Variants in SCEL observed in about 807,000 individuals in gnomAD.
SCEL encodes the protein sciellin.
Under a neutral mutation model 117.6 loss-of-function variants are expected in SCEL, and 113 were observed. That is an observed-to-expected ratio of 0.96 (90% CI 0.83 to 1.12). SCEL has a LOEUF of 1.12. Among genes scored for constraint, SCEL ranks in the 50% most tolerant of loss-of-function variants. The pLI is 0.00. For missense variants in SCEL, 785 were observed against 810.8 expected (o/e 0.97, Z 0.39); for synonymous variants, 270 against 256.2 (o/e 1.05, Z -0.51).
At chr13:77,587,002 A>G (rs2086602838) in intron 9 of SCEL, among the ~76,000 whole-genome samples, 1 of 152,012 alleles carries the variant, frequency 6.6e-6, no homozygotes. Context: ...CATCATCATC[A>G]TCACCATCTT....
At chr13:77,597,235 A>G (rs764608810) in intron 12 of SCEL, 1 of 308,444 alleles carries the variant, frequency 3.2e-6, no homozygotes, top group Non-Finnish European at 5.9e-6. Flanking sequence ...AGGTAGGAGC[A>G]TTAACATGAG....
intron 5 of SCEL, among the ~76,000 whole-genome samples, chr13:77,566,318 A>G (rs1296433534): frequency 6.6e-6 from 1 of 152,186 alleles, no homozygotes; most frequent in Non-Finnish European, 1.5e-5. Flanking sequence ...TTATCTATAA[A>G]ATGAAAATCA....
intron 1 of SCEL, among the ~76,000 whole-genome samples, chr13:77,547,195 C>T (rs8001862): frequency 4.6e-5 from 7 of 151,826 alleles, no homozygotes; most frequent in Admixed American, 3.9e-4. Flanking sequence ...CCCAGCCCCC[C>T]AAAAATTTAA....
chr13:77,547,674 C>A (rs2084069795), intron 1 of SCEL, among the ~76,000 whole-genome samples: 1 of 152,208 alleles, frequency 6.6e-6, no homozygotes. Context: ...ATCTCTTCAT[C>A]ATTTTATATT....
intron 1 of SCEL, among the ~76,000 whole-genome samples, chr13:77,547,686 A>G (rs901980000): frequency 1.3e-5 from 2 of 152,224 alleles, no homozygotes; most frequent in East Asian, 1.9e-4. Context: ...TTTTATATTT[A>G]GGGATAGCTC....
Position 77,602,060 on chromosome 13 carries a change from T to A in SCEL, c.918-5T>A. The A allele has an allele frequency of 6.2e-7, 1 of 1,606,638 alleles. No individual in the cohort carries two copies. The highest frequency in any genetic ancestry group is 8.5e-7 in the Non-Finnish European group (1 of 1,177,316). ...TTCTCTTTCTTTTCCCCCAATGTTG[T>A]AAAGAATCCAAAGCCTTGGAAGTCC... On this transcript the variant is annotated splice_polypyrimidine_tract_variant and splice_region_variant and intron_variant, in intron 15 of 32. Coordinates refer to ENST00000349847, the MANE Select transcript of SCEL (RefSeq NM_144777.3).
At chr13:77,597,758 G>C (rs897253682) in intron 13 of SCEL, among the ~76,000 whole-genome samples, 169 bp downstream of exon 13, 1 of 151,830 alleles carries the variant, frequency 6.6e-6, no homozygotes, top group African/African-American at 2.4e-5. Context: ...TATGATGAAT[G>C]GTTATTAAAG....
At chr13:77,626,316 T>G (rs1016612797) in intron 27 of SCEL, among the ~76,000 whole-genome samples, 6 of 152,168 alleles carry the variant, frequency 3.9e-5, no homozygotes, top group Admixed American at 3.9e-4. Flanking sequence ...CCTTGACACA[T>G]AGGGATTATT....
chr13:77,581,563 A>G (rs2086265908), intron 9 of SCEL, among the ~76,000 whole-genome samples: 1 of 152,170 alleles, frequency 6.6e-6, no homozygotes, highest in African/African-American at 2.4e-5. Flanking sequence ...GCTCCTGGAA[A>G]TATGAGGAAG....
intron 28 of SCEL, among the ~76,000 whole-genome samples, chr13:77,634,039 T>C (rs1056995231): frequency 6.6e-6 from 1 of 152,214 alleles, no homozygotes; most frequent in African/African-American, 2.4e-5. Flanking sequence ...AAGAAAGTTA[T>C]GGTTTGGAAA....
intron 27 of SCEL, among the ~76,000 whole-genome samples, chr13:77,620,052 T>C (rs1265907416): frequency 6.6e-6 from 1 of 152,224 alleles, no homozygotes; most frequent in South Asian, 2.1e-4. Flanking sequence ...TATACAGATA[T>C]GATTACTATA....
At chr13:77,571,712 C>CATATATATATATATATAT in intron 8 of SCEL, among the ~76,000 whole-genome samples, 1 of 145,130 alleles carries the variant, frequency 6.9e-6, no homozygotes, top group East Asian at 2.0e-4. Context: ...AAAAATAAAA[C>CATATATATATATATATAT]ATATATATAT....
chr13:77,563,797 A>ATTTT, intron 4 of SCEL, 34 bp from the exon 5 acceptor site: 1 of 1,232,144 alleles, frequency 8.1e-7, no homozygotes. Context: ...AATTGATTTG[A>ATTTT]TTTTTTTTTT....
intron 9 of SCEL, among the ~76,000 whole-genome samples, chr13:77,585,890 TG>T (rs2086538297): frequency 1.3e-5 from 2 of 152,186 alleles, no homozygotes; most frequent in Admixed American, 6.5e-5. Context: ...CAGAGGACCC[TG>T]CTTCCACAGC....
intron 28 of SCEL, among the ~76,000 whole-genome samples, chr13:77,628,409 C>T (rs1269702544): frequency 6.6e-6 from 1 of 151,994 alleles, no homozygotes; most frequent in Non-Finnish European, 1.5e-5. Flanking sequence ...CTGGGAATCT[C>T]TTCCTTGGAT....
intron 19 of SCEL, among the ~76,000 whole-genome samples, chr13:77,607,199 C>T (rs1257423525): frequency 6.6e-6 from 1 of 151,904 alleles, no homozygotes; most frequent in African/African-American, 2.4e-5. Flanking sequence ...CAGGTGTGCA[C>T]CACCATTCCA....
At chr13:77,603,003 G>C in intron 17 of SCEL, 73 bp from the exon 18 acceptor site, 1 of 828,480 alleles carries the variant, frequency 1.2e-6, no homozygotes, top group East Asian at 2.6e-5. Flanking sequence ...ATTAATCATT[G>C]GGAATACAGA....
At position 77,637,211 on chromosome 13, in the gene SCEL, T is replaced by G. The variant is rs2090320295; in HGVS notation, c.1838+17T>G. On this transcript the variant is annotated intron_variant, in intron 30 of 32. Coordinates refer to ENST00000349847, the MANE Select transcript of SCEL (RefSeq NM_144777.3). ...TTCTGATAGGTGAGTATGTCTTTAT[T>G]TCCATACATAAAAAGTACACACATA... is the stretch of plus-strand genomic sequence containing the variant. The G allele has an allele frequency of 7.2e-7, 1 of 1,388,706 alleles. No individual in the cohort carries two copies. The highest frequency in any genetic ancestry group is 1.5e-5 in the African/African-American group (1 of 67,018). 86.0% of individuals were successfully genotyped at this position (1,388,706 alleles called of 1,614,324 possible). A position where few individuals can be genotyped will look rare whatever the true frequency, so the allele number is the denominator to read the frequency against.
chr13:77,592,458 G>A (rs144173966), intron 11 of SCEL, among the ~76,000 whole-genome samples: 121 of 152,148 alleles, frequency 8.0e-4, no homozygotes, highest in African/African-American at 2.8e-3. Context: ...AGCAAAAGTC[G>A]GTTACATTTC....
Sources: gnomAD v4.1 joint callset for allele counts (sites outside exome capture counted in the v4.1 genomes callset) on GRCh38, gnomAD v4.1.1 for gene constraint, MANE v1.5 for transcripts, NCBI Gene and HGNC (gene_info 2026-07-23, HGNC 2026-07-21) for gene names.